FNDC3B: variants seen among roughly 807,000 people sequenced by gnomAD.
FNDC3B encodes fibronectin type III domain-containing protein 3B.
FNDC3B carries 12 observed loss-of-function variants against 151.5 expected under a neutral mutation model. That is an observed-to-expected ratio of 0.08 (90% CI 0.05 to 0.13). The LOEUF is 0.13. Among genes scored for constraint, FNDC3B ranks in the 10% least tolerant of loss-of-function variants. The pLI is 1.00. For synonymous variants in FNDC3B, 528 were observed against 549.0 expected, an observed-to-expected ratio of 0.96 and a Z score of 0.54; for missense variants, 1,214 against 1,505.3, an observed-to-expected ratio of 0.81 and a Z score of 3.20.
chr3:172,117,569 G>A (rs1045782541), intron 2 of FNDC3B, among the ~76,000 whole-genome samples: 4 of 152,128 alleles, frequency 2.6e-5, no homozygotes, highest in Non-Finnish European at 4.4e-5. Context: ...CAGAAGTGTC[G>A]ACATAGGGTG....
intron 1 of FNDC3B, among the ~76,000 whole-genome samples, chr3:172,078,169 TG>T (rs953610863): frequency 6.6e-6 from 1 of 152,088 alleles, no homozygotes; most frequent in African/African-American, 2.4e-5. Context: ...TTAGTAGAGA[TG>T]GGTTTTGCCA....
At chr3:172,144,958 T>C (rs948102729) in intron 3 of FNDC3B, among the ~76,000 whole-genome samples, 5 of 152,056 alleles carry the variant, frequency 3.3e-5, no homozygotes, top group African/African-American at 4.8e-5. Flanking sequence ...TTGAATTAGC[T>C]TCACATTTCT....
intron 9 of FNDC3B, among the ~76,000 whole-genome samples, chr3:172,300,910 T>G (rs1452386073): frequency 6.6e-6 from 1 of 152,234 alleles, no homozygotes; most frequent in Non-Finnish European, 1.5e-5. Flanking sequence ...TTCTTTTTCC[T>G]TTTACAGTCT....
chr3:172,317,223 G>A (rs879011251), intron 11 of FNDC3B: 41 of 430,304 alleles, frequency 9.5e-5, no homozygotes, highest in South Asian at 2.5e-4. Context: ...TTGCTCTGTC[G>A]CCCAGGCTGG....
intron 4 of FNDC3B, among the ~76,000 whole-genome samples, chr3:172,243,129 A>G (rs1727585041): frequency 1.3e-5 from 2 of 152,178 alleles, no homozygotes; most frequent in African/African-American, 2.4e-5. Flanking sequence ...TATTGTTCAT[A>G]TCATTATCAG....
At chr3:172,305,150 GAAGT>G (rs764436635) in intron 9 of FNDC3B, among the ~76,000 whole-genome samples, 5 of 152,216 alleles carry the variant, frequency 3.3e-5, no homozygotes, top group East Asian at 1.9e-4. Context: ...TGATGATTTT[GAAGT>G]AAGGTTCAGA....
intron 3 of FNDC3B, among the ~76,000 whole-genome samples, chr3:172,207,424 A>G (rs897417584): frequency 6.6e-6 from 1 of 152,202 alleles, no homozygotes; most frequent in African/African-American, 2.4e-5. Flanking sequence ...ATCAGATTTG[A>G]CTACTTGCTG....
intron 1 of FNDC3B, among the ~76,000 whole-genome samples, chr3:172,054,045 C>T (rs2108462030): frequency 6.6e-6 from 1 of 152,318 alleles, no homozygotes; most frequent in Non-Finnish European, 1.5e-5. Context: ...CTTTTACTCA[C>T]TGGTAAAACA....
At chr3:172,245,581 A>G (rs1727736517) in intron 4 of FNDC3B, among the ~76,000 whole-genome samples, 1 of 152,204 alleles carries the variant, frequency 6.6e-6, no homozygotes. Context: ...TGTGCTATTT[A>G]TATACATGTG....
At chr3:172,083,464 G>A (rs1718384314) in intron 1 of FNDC3B, among the ~76,000 whole-genome samples, 1 of 152,198 alleles carries the variant, frequency 6.6e-6, no homozygotes, top group Admixed American at 6.5e-5. Flanking sequence ...TACCTCATCT[G>A]TCTGTTCACA....
intron 2 of FNDC3B, among the ~76,000 whole-genome samples, chr3:172,118,696 C>T (rs755147370): frequency 6.6e-6 from 1 of 152,150 alleles, no homozygotes; most frequent in Non-Finnish European, 1.5e-5. Context: ...TGGGGAAGCT[C>T]GGTCTTGGAT....
At chr3:172,301,504 AAT>A (rs1218592842) in intron 9 of FNDC3B, 3 of 152,222 alleles carry the variant, frequency 2.0e-5, no homozygotes, top group Non-Finnish European at 4.4e-5. Flanking sequence ...GCCGTGTGGA[AAT>A]AGTTTCTTCA....
At chr3:172,152,578 C>CTTT (rs10662326) in intron 3 of FNDC3B, among the ~76,000 whole-genome samples, 6,811 of 125,716 alleles carry the variant, frequency 0.054, 644 homozygotes, top group African/African-American at 0.17. Context: ...ATGGGAAGGG[C>CTTT]TTTTTTTTTT....
At chr3:172,172,465 T>G (rs1352043662) in intron 3 of FNDC3B, among the ~76,000 whole-genome samples, 1 of 152,236 alleles carries the variant, frequency 6.6e-6, no homozygotes, top group Admixed American at 6.5e-5. Context: ...ATTACAAATC[T>G]GAGGGATAAT....
chr3:172,353,123 C>T (rs368829633), intron 22 of FNDC3B, 40 bp downstream of exon 22: 174 of 1,583,844 alleles, frequency 1.1e-4, no homozygotes, highest in Non-Finnish European at 1.4e-4. Flanking sequence ...AGCACATCAG[C>T]ACTTGGGGAT....
chr3:172,108,125 G>C (rs1031186804), intron 1 of FNDC3B, among the ~76,000 whole-genome samples: 1 of 151,736 alleles, frequency 6.6e-6, no homozygotes, highest in African/African-American at 2.4e-5. Flanking sequence ...CTGAGATCAC[G>C]CCACTGCACT....
chr3:172,107,744 G>A (rs973214027), intron 1 of FNDC3B, among the ~76,000 whole-genome samples: 5 of 152,148 alleles, frequency 3.3e-5, no homozygotes, highest in African/African-American at 1.2e-4. Flanking sequence ...AGCGCACGAG[G>A]AACTTCTGAA....
At chr3:172,301,538 T>C (rs149099113) in intron 9 of FNDC3B, 1 of 152,294 alleles carries the variant, frequency 6.6e-6, no homozygotes, top group African/African-American at 2.4e-5. Context: ...TAACAGCAAC[T>C]ACAGAAGAAT....
chr3:172,067,432 C>T lies in FNDC3B; in HGVS notation c.-29+27661C>T, dbSNP rs964491373. Among the ~76,000 whole-genome samples the T allele has an allele frequency of 9.9e-5, 15 of 152,236 alleles. No homozygotes were observed. The East Asian group carries it at 2.9e-3, about 29-fold the overall frequency. On this transcript the variant is annotated intron_variant, in intron 1 of 25. Coordinates refer to ENST00000415807, the MANE Select transcript of FNDC3B (RefSeq NM_022763.4). ...GGCTTTTCTGCGTTCACTAAGGCAC[C>T]AGAGTCGGACTCTGCTTTTTTTCTT...
Sources: allele counts gnomAD v4.1 joint callset (sites outside exome capture counted in the v4.1 genomes callset), GRCh38; gene constraint gnomAD v4.1.1; transcripts MANE v1.5; gene names NCBI Gene and HGNC (gene_info 2026-07-23, HGNC 2026-07-21).